Variants in RIMS2 observed in about 807,000 individuals in gnomAD.
RIMS2 encodes the protein regulating synaptic membrane exocytosis protein 2.
A neutral mutation model predicts 174.4 loss-of-function variants in RIMS2; 59 were observed. That is an observed-to-expected ratio of 0.34 (90% confidence interval 0.27 to 0.42). The LOEUF is 0.42. Among genes scored for constraint, RIMS2 ranks in the 10% least tolerant of loss-of-function variants. The pLI is 1.00. For synonymous variants in RIMS2, 606 were observed against 572.5 expected (o/e 1.06, Z -0.84); for missense variants, 1,620 against 1,666.3 (o/e 0.97, Z 0.48).
intron 1 of RIMS2, among the ~76,000 whole-genome samples, chr8:103,608,679 G>T (rs1020506854): frequency 1.3e-5 from 2 of 151,992 alleles, no homozygotes; most frequent in Non-Finnish European, 1.5e-5. Flanking sequence ...CCATGTGCAG[G>T]ATATAATCTC....
chr8:103,957,722 G>A (rs1318714319), intron 14 of RIMS2, among the ~76,000 whole-genome samples: 1 of 152,006 alleles, frequency 6.6e-6, no homozygotes, highest in Non-Finnish European at 1.5e-5. Flanking sequence ...AAACCTGCAC[G>A]TTGTTCACAT....
Position 103,501,049 on chromosome 8 carries a change from C to A in RIMS2, c.163C>A (p.Gln55Lys), listed in dbSNP as rs985945397. ...GCAGAAGAAAGAAGAGGAGAAGGAG[C>A]AGTCCGTGCTCAAGTAAGGACCTGG... The change falls in exon 1 of 24, where the codon CAG becomes AAG. Residue 55 changes from glutamine to lysine, a missense_variant. This residue lies in a region of RIMS2 where 1,395 missense variants were observed against 1,360.1 expected (regional missense o/e 1.03). Coordinates refer to ENST00000504942, the Ensembl canonical transcript of RIMS2. 22 of 1,606,586 alleles carry A rather than the reference C, an allele frequency of 1.4e-5. No homozygotes were observed. Among genetic ancestry groups the A allele is most frequent in the African/African-American group, 4.0e-5 (3 of 74,490 alleles).
intron 3 of RIMS2, among the ~76,000 whole-genome samples, chr8:103,786,181 C>T (rs1453368499): frequency 6.6e-6 from 1 of 152,120 alleles, no homozygotes; most frequent in Non-Finnish European, 1.5e-5. Flanking sequence ...ATTCGTCTTG[C>T]TAGTGGTCTA....
At chr8:103,955,382 C>T (rs1196295961) in intron 14 of RIMS2, among the ~76,000 whole-genome samples, 2 of 152,184 alleles carry the variant, frequency 1.3e-5, no homozygotes, top group African/African-American at 4.8e-5. Flanking sequence ...TCCAGCAGCA[C>T]ATCAAGAAGG....
At chr8:103,860,092 T>G (rs2099050559) in intron 3 of RIMS2, among the ~76,000 whole-genome samples, 1 of 152,150 alleles carries the variant, frequency 6.6e-6, no homozygotes, top group Non-Finnish European at 1.5e-5. Flanking sequence ...ATTGAGCTAT[T>G]CTAGATGTCA....
intron 1 of RIMS2, among the ~76,000 whole-genome samples, chr8:103,615,965 C>T (rs972785934): frequency 2.6e-5 from 4 of 152,118 alleles, no homozygotes; most frequent in Non-Finnish European, 5.9e-5. Flanking sequence ...GGTACCATTC[C>T]TACAGAAACT....
At chr8:104,109,431 CT>C (rs1223792188) in intron 19 of RIMS2, among the ~76,000 whole-genome samples, 1 of 151,326 alleles carries the variant, frequency 6.6e-6, no homozygotes, top group Non-Finnish European at 1.5e-5. Flanking sequence ...CTGCCAGTTT[CT>C]AACAATATAA....
intron 3 of RIMS2, among the ~76,000 whole-genome samples, chr8:103,866,940 C>T (rs1385640233): frequency 6.6e-6 from 1 of 151,646 alleles, no homozygotes; most frequent in Non-Finnish European, 1.5e-5. Context: ...GGATGAATAT[C>T]TTGTCATGAG....
intron 17 of RIMS2, among the ~76,000 whole-genome samples, chr8:104,001,748 G>A (rs1234861436): frequency 6.6e-6 from 1 of 151,942 alleles, no homozygotes; most frequent in East Asian, 1.9e-4. Flanking sequence ...TGTTGAACAT[G>A]TGAATGCTGA....
At chr8:103,969,678 C>T (rs746950431) in intron 15 of RIMS2, among the ~76,000 whole-genome samples, 7 of 152,190 alleles carry the variant, frequency 4.6e-5, no homozygotes, top group Non-Finnish European at 1.0e-4. Flanking sequence ...ATCCAGCATT[C>T]CTGCTATATC....
chr8:104,016,305 A>T (rs1322898788), intron 19 of RIMS2, among the ~76,000 whole-genome samples: 1 of 152,076 alleles, frequency 6.6e-6, no homozygotes, highest in Non-Finnish European at 1.5e-5. Context: ...TCTCGTCATT[A>T]TATATATGTT....
chr8:104,188,563 A>G (rs936902965), intron 19 of RIMS2, among the ~76,000 whole-genome samples: 16 of 151,950 alleles, frequency 1.1e-4, no homozygotes, highest in African/African-American at 3.9e-4. Context: ...TATATGCCCA[A>G]TATAAGAGGT....
chr8:103,789,336 C>CCTTCATTTCAACTT (rs1554827023), intron 3 of RIMS2, among the ~76,000 whole-genome samples: 2 of 152,138 alleles, frequency 1.3e-5, no homozygotes, highest in Non-Finnish European at 1.5e-5. Context: ...GGTGTCTATG[C>CCTTCATTTCAACTT]TGTTTGGGAT....
At chr8:103,660,374 CG>C (rs1404674050) in intron 1 of RIMS2, among the ~76,000 whole-genome samples, 2 of 152,236 alleles carry the variant, frequency 1.3e-5, no homozygotes, top group African/African-American at 4.8e-5. Context: ...TCTGTGCTCA[CG>C]TATCTGCTCA....
intron 1 of RIMS2, among the ~76,000 whole-genome samples, chr8:103,691,204 G>A (rs749025346): frequency 1.1e-4 from 16 of 152,028 alleles, no homozygotes; most frequent in Non-Finnish European, 1.8e-4. Context: ...TCTGTAACTT[G>A]CTTGTGCTCG....
chr8:103,963,441 A>G (rs2090829996), intron 15 of RIMS2, among the ~76,000 whole-genome samples: 2 of 152,224 alleles, frequency 1.3e-5, no homozygotes, highest in South Asian at 4.1e-4. Context: ...ACTGTTCTTA[A>G]GTAGGAACTG....
chr8:104,247,452 G>A (rs775425580), intron 20 of RIMS2, among the ~76,000 whole-genome samples: 1 of 152,066 alleles, frequency 6.6e-6, no homozygotes, highest in Non-Finnish European at 1.5e-5. Context: ...ATTGGATTAG[G>A]GCACCACGCA....
intron 3 of RIMS2, among the ~76,000 whole-genome samples, chr8:103,801,382 G>C (rs2098606786): frequency 6.6e-6 from 1 of 152,180 alleles, no homozygotes; most frequent in Non-Finnish European, 1.5e-5. Context: ...TATTTTTACA[G>C]TCTAGTAAAT....
chr8:104,205,832 T>G (rs1157018103), intron 19 of RIMS2, among the ~76,000 whole-genome samples: 2 of 151,946 alleles, frequency 1.3e-5, no homozygotes, highest in African/African-American at 4.8e-5. Flanking sequence ...CTCGGCTCAT[T>G]GCAACCTCTG....
Sources: gnomAD v4.1 joint callset for allele counts (sites outside exome capture counted in the v4.1 genomes callset) on GRCh38, gnomAD v4.1.1 for gene constraint, gnomAD v4.1.1 regional missense constraint, MANE v1.5 for transcripts, NCBI Gene and HGNC (gene_info 2026-07-23, HGNC 2026-07-21) for gene names.